ANK3: variants seen among roughly 807,000 people sequenced by gnomAD.
The protein encoded by ANK3 is ankyrin-3.
In ANK3, 57 loss-of-function variants were observed where a neutral mutation model predicts 370.9. The observed-to-expected ratio is 0.15, with a 90% CI of 0.12 to 0.19. The LOEUF (loss-of-function observed/expected upper bound fraction) is 0.19. Ranked by LOEUF, ANK3 falls within the 10% of genes least tolerant of loss-of-function variation. ANK3 has a pLI of 1.00. For missense variants in ANK3, 4,439 were observed against 5,302.1 expected (o/e 0.84, Z 5.06); for synonymous variants, 1,929 against 1,946.3 (o/e 0.99, Z 0.23).
At chr10:60,733,176 C>A (rs1232043067) in intron 1 of ANK3, 4 of 1,169,486 alleles carry the variant, frequency 3.4e-6, no homozygotes, top group Admixed American at 4.3e-5. Context: ...CTCCTGGGGC[C>A]CCCCGGCCCG....
intron 2 of ANK3, among the ~76,000 whole-genome samples, chr10:60,479,026 A>T (rs2075143152): frequency 6.6e-6 from 1 of 152,142 alleles, no homozygotes; most frequent in African/African-American, 2.4e-5. Context: ...CATCTTTATT[A>T]GCCAAATTTT....
Position 60,075,660 on chromosome 10 carries a change from A to G in ANK3, c.5221T>C (p.Leu1741=). The G allele has an allele frequency of 6.2e-7, 1 of 1,614,134 alleles. No homozygotes were observed. ...GTAGCAGAAGAAATTTTTTCCTGTA[A>G]CGTGGCAGTGGCTTTGCATCCATTA... ...LINGCKATAT[L]QEKISSATNS... Residue 1741 remains leucine (L), a synonymous_variant, in exon 37 of 44, where the codon TTA becomes CTA. Coordinates refer to ENST00000280772, the MANE Select transcript of ANK3 (RefSeq NM_020987.5).
intron 2 of ANK3, among the ~76,000 whole-genome samples, chr10:60,501,129 C>A (rs2075784916): frequency 6.6e-6 from 1 of 152,252 alleles, no homozygotes; most frequent in South Asian, 2.1e-4. Flanking sequence ...AAATTCTCTG[C>A]AAGCCCAAAT....
chr10:60,585,678 G>C (rs2077820895), intron 2 of ANK3, among the ~76,000 whole-genome samples: 2 of 152,152 alleles, frequency 1.3e-5, no homozygotes, highest in South Asian at 2.1e-4. Flanking sequence ...GAGGTTATTG[G>C]CAAATGGAAC....
At chr10:60,660,255 A>C (rs983806332) in intron 1 of ANK3, among the ~76,000 whole-genome samples, 14 of 152,148 alleles carry the variant, frequency 9.2e-5, no homozygotes, top group African/African-American at 3.4e-4. Flanking sequence ...TTGAATATAC[A>C]TACCTCTGCA....
At chr10:60,641,369 G>A (rs1211258470) in intron 1 of ANK3, among the ~76,000 whole-genome samples, 3 of 152,074 alleles carry the variant, frequency 2.0e-5, no homozygotes, top group Admixed American at 6.6e-5. Context: ...CACGCTACCC[G>A]ACTTCAAACT....
At chr10:60,656,832 A>G (rs1388719025) in intron 1 of ANK3, among the ~76,000 whole-genome samples, 7 of 151,656 alleles carry the variant, frequency 4.6e-5, no homozygotes, top group Non-Finnish European at 1.0e-4. Context: ...ATCATAACTC[A>G]CTGCAGCCTT....
intron 2 of ANK3, among the ~76,000 whole-genome samples, chr10:60,517,891 AC>A (rs76212996): frequency 0.23 from 35,384 of 151,848 alleles, 4,527 homozygotes; most frequent in East Asian, 0.47. Flanking sequence ...AGGCACAGGA[AC>A]CAGATAACCA....
chr10:60,334,343 C>T (rs1283381230), intron 1 of ANK3, among the ~76,000 whole-genome samples: 1 of 152,106 alleles, frequency 6.6e-6, no homozygotes, highest in African/African-American at 2.4e-5. Flanking sequence ...ATTAATAGCA[C>T]CCAAAAGCCA....
intron 26 of ANK3, chr10:60,111,726 G>T (rs922590630): frequency 2.2e-6 from 1 of 455,508 alleles, no homozygotes; most frequent in Admixed American, 2.4e-5. Context: ...AAAGGACACA[G>T]TTATCACCTT....
At chr10:60,244,009 T>C (rs570886616) in intron 7 of ANK3, among the ~76,000 whole-genome samples, 1 of 152,152 alleles carries the variant, frequency 6.6e-6, no homozygotes, top group Non-Finnish European at 1.5e-5. Flanking sequence ...TGATAGAATA[T>C]GATAGAAATA....
At chr10:60,280,586 G>A (rs1264973028) in intron 1 of ANK3, among the ~76,000 whole-genome samples, 2 of 152,174 alleles carry the variant, frequency 1.3e-5, no homozygotes, top group African/African-American at 4.8e-5. Flanking sequence ...TGAAATCTCT[G>A]ATAGAAAGAT....
intron 24 of ANK3, among the ~76,000 whole-genome samples, chr10:60,136,884 A>T (rs2094367778): frequency 6.6e-6 from 1 of 152,186 alleles, no homozygotes; most frequent in Non-Finnish European, 1.5e-5. Flanking sequence ...AATTGTTTTC[A>T]ACTAAGGCCA....
At chr10:60,466,239 G>T (rs888711630) in intron 2 of ANK3, among the ~76,000 whole-genome samples, 1 of 152,174 alleles carries the variant, frequency 6.6e-6, no homozygotes, top group Non-Finnish European at 1.5e-5. Context: ...CTTCGGAGGA[G>T]GCAGTAGATT....
chr10:60,231,279 T>A (rs2097239632), intron 8 of ANK3, among the ~76,000 whole-genome samples: 1 of 152,178 alleles, frequency 6.6e-6, no homozygotes, highest in Non-Finnish European at 1.5e-5. Flanking sequence ...ATGAAAGAGC[T>A]CTAAGAATCT....
At chr10:60,117,114 T>C (rs2093151387) in intron 25 of ANK3, among the ~76,000 whole-genome samples, 1 of 152,104 alleles carries the variant, frequency 6.6e-6, no homozygotes, top group African/African-American at 2.4e-5. Flanking sequence ...TAAAAACAAG[T>C]ATAAACTAGA....
chr10:60,614,925 G>T (rs1339063689), intron 2 of ANK3, among the ~76,000 whole-genome samples: 2 of 152,180 alleles, frequency 1.3e-5, no homozygotes, highest in Non-Finnish European at 2.9e-5. Flanking sequence ...AGAAGCAGAT[G>T]TGAAACACAA....
intron 1 of ANK3, among the ~76,000 whole-genome samples, chr10:60,655,447 G>A (rs114692819): frequency 0.043 from 6,515 of 151,324 alleles, 179 homozygotes; most frequent in Middle Eastern, 0.075. Flanking sequence ...GTTTAAAGAG[G>A]AAAAATAAAA....
upstream of ANK3, among the ~76,000 whole-genome samples, chr10:60,394,510 G>C (rs1046547594): frequency 6.6e-6 from 1 of 152,092 alleles, no homozygotes; most frequent in Non-Finnish European, 1.5e-5. Context: ...GTGCTGGAGA[G>C]AGAGCCAGCT....
Sources: gnomAD v4.1 joint callset for allele counts (sites outside exome capture counted in the v4.1 genomes callset) on GRCh38, gnomAD v4.1.1 for gene constraint, MANE v1.5 for transcripts, NCBI Gene and HGNC (gene_info 2026-07-23, HGNC 2026-07-21) for gene names.